The following PCNT variants were observed in gnomAD, a reference collection of about 807,000 sequenced individuals.
PCNT encodes pericentrin.
PCNT carries 319 observed loss-of-function variants against 380.4 expected under a neutral mutation model. That is an observed-to-expected ratio of 0.84 (90% CI 0.77 to 0.92). PCNT has a LOEUF of 0.92. Ranked by LOEUF, PCNT falls within the 40% of genes least tolerant of loss-of-function variation. PCNT has a pLI of 0.00. For synonymous variants in PCNT, 1,845 were observed against 1,735.2 expected (o/e 1.06, Z -1.57); for missense variants, 4,400 against 4,255.3 (o/e 1.03, Z -0.95).
In PCNT at chr21:46,389,329, A is replaced by G; in HGVS notation, c.3738A>G (p.Pro1246=). 1 of 1,614,262 alleles carries G rather than the reference A, an allele frequency of 6.2e-7. No individual in the cohort carries two copies. The highest frequency in any genetic ancestry group is 8.5e-7 in the Non-Finnish European group (1 of 1,180,046). The part of the protein sequence containing the change: ...SHMRESFLMS[P]ESVRECEQPI... ...TGCGTGAAAGCTTTCTCATGAGCCC[A>G]GAAAGTGTGCGGGAGTGTGAGCAGC... The change falls in exon 19 of 47, where the codon CCA becomes CCG. Residue 1246 remains proline (P), a synonymous_variant. Transcript: ENST00000359568.
intron 15 of PCNT, among the ~76,000 whole-genome samples, chr21:46,367,679 G>C (rs186979550): frequency 6.6e-6 from 1 of 152,110 alleles, no homozygotes; most frequent in Non-Finnish European, 1.5e-5. Flanking sequence ...CTTTGCTCTC[G>C]TACGTATGTG....
chr21:46,401,733 G>T lies in PCNT; in HGVS notation c.4962+12G>T. 6.2e-7 allele frequency: 1 copy of T among 1,613,962 alleles called. No individual in the cohort carries two copies. The highest frequency in any genetic ancestry group is 1.1e-5 in the South Asian group (1 of 91,062). ...GGCGCGAGAGCGAGGTGAGTGCAGA[G>T]TGGGGCCATGGGACTGCCAGCCCTG... is the stretch of plus-strand genomic sequence containing the variant. On this transcript the variant is annotated intron_variant, in intron 26 of 46. Transcript: ENST00000359568.
chr21:46,411,790 A>G lies in PCNT; in HGVS notation c.5717A>G (p.Glu1906Gly). ...TTGGCCCGCATCCGCCGCGCCCTGG[A>G]GCAGCAGCCCCTGGCAGCCGGGGCG... ...LALARIRRAL[E>G]QQPLAAGAAP... Residue 1906 changes from glutamate (E) to glycine (G), a missense_variant, in exon 28 of 47, where the codon GAG becomes GGG. Glu to Gly is a moderately conservative substitution (Grantham distance 98). Transcript: ENST00000359568. 1 of 1,600,954 alleles carries G rather than the reference A, an allele frequency of 6.2e-7. No homozygotes were observed. The highest frequency in any genetic ancestry group is 8.5e-7 in the Non-Finnish European group (1 of 1,176,498).
At chr21:46,427,245 T>G (rs1249673758) in intron 33 of PCNT, among the ~76,000 whole-genome samples, 1 of 152,228 alleles carries the variant, frequency 6.6e-6, no homozygotes, top group African/African-American at 2.4e-5. Flanking sequence ...CCCTGGGCAG[T>G]GTGTGTCTTC....
At chr21:46,355,260 C>T (rs781479063) in intron 11 of PCNT, among the ~76,000 whole-genome samples, 192 bp from the exon 12 acceptor site, 30 of 152,200 alleles carry the variant, frequency 2.0e-4, no homozygotes, top group Admixed American at 3.9e-4. Flanking sequence ...GACTGAGAGA[C>T]GGGTGTGGGC....
In PCNT at chr21:46,397,265, C is replaced by T; in HGVS notation, c.4217C>T (p.Ala1406Val). The part of the protein sequence containing the change: ...TATDAEAREA[A>V]LRKEVEDLTK... ...GTGTCTGTCCTGTTTGCATCCTTAG[C>T]TCTCCGGAAGGAAGTGGAGGATCTG... Residue 1406 changes from alanine to valine, a missense_variant and splice_region_variant, in exon 22 of 47, where the codon GCT (alanine) becomes GTT (valine). Transcript: ENST00000359568. 6.2e-7 allele frequency: 1 copy of T among 1,613,508 alleles called. No individual in the cohort carries two copies. The highest frequency in any genetic ancestry group is 8.5e-7 in the Non-Finnish European group (1 of 1,179,464).
intron 12 of PCNT, 94 bp from the exon 13 acceptor site, chr21:46,356,880 G>A (rs1157923022): frequency 2.0e-6 from 2 of 994,548 alleles, no homozygotes; most frequent in Non-Finnish European, 3.2e-6. Flanking sequence ...GCTGTCAGAA[G>A]CATTTATAGG....
chr21:46,427,499 C>T lies in PCNT; in HGVS notation c.7321-123C>T. ...GGTGTCTCTTCCTCTTCTTAAGAGG[C>T]CTCATTTACCCTGAATCACCTCCCG... On this transcript the variant is annotated intron_variant, in intron 33 of 46. Transcript: ENST00000359568. 8 of 1,020,666 alleles carry T rather than the reference C, an allele frequency of 7.8e-6. No individual in the cohort carries two copies. In the South Asian group the frequency reaches 9.2e-5, roughly 12 times the overall value. 63.2% of individuals were successfully genotyped at this position (1,020,666 alleles called of 1,614,324 possible).
intron 13 of PCNT, among the ~76,000 whole-genome samples, 168 bp from the exon 14 acceptor site, chr21:46,363,312 G>T (rs1371910612): frequency 6.6e-6 from 1 of 152,116 alleles, no homozygotes; most frequent in Non-Finnish European, 1.5e-5. Flanking sequence ...TCCACTTTAG[G>T]TTTCTTCCAT....
chr21:46,370,504 TG>T (rs1282702240), intron 15 of PCNT, among the ~76,000 whole-genome samples: 1 of 150,632 alleles, frequency 6.6e-6, no homozygotes, highest in Non-Finnish European at 1.5e-5. Context: ...ATGGAGAGCC[TG>T]GGGGCTGACA....
chr21:46,431,377 A>T, intron 37 of PCNT, 152 bp from the exon 38 acceptor site: 3 of 1,473,388 alleles, frequency 2.0e-6, no homozygotes, highest in Non-Finnish European at 2.7e-6. Flanking sequence ...ATGAACTAAC[A>T]AAAAAATGTT....
chr21:46,364,021 C>T, intron 14 of PCNT, 87 bp downstream of exon 14: 1 of 1,235,126 alleles, frequency 8.1e-7, no homozygotes, highest in East Asian at 2.3e-5. Flanking sequence ...GGAGGAGGCG[C>T]TGTGGGCTCC....
intron 37 of PCNT, chr21:46,431,294 C>T: frequency 1.4e-6 from 2 of 1,395,426 alleles, no homozygotes; most frequent in East Asian, 2.8e-5. Context: ...CTGGGAACAT[C>T]TCTGAACCCA....
At chr21:46,413,842 G>A (rs1484055104) in intron 29 of PCNT, among the ~76,000 whole-genome samples, 1 of 152,196 alleles carries the variant, frequency 6.6e-6, no homozygotes. Flanking sequence ...ATTGTAGCAG[G>A]GTGGAGATTT....
At chr21:46,426,904 C>T (rs972723271) in intron 33 of PCNT, among the ~76,000 whole-genome samples, 1 of 152,310 alleles carries the variant, frequency 6.6e-6, no homozygotes, top group African/African-American at 2.4e-5. Flanking sequence ...TCTCCCTGTG[C>T]CTGGAACGCA....
At position 46,440,219 on chromosome 21, in the gene PCNT, G is replaced by A. The variant is rs769089391; in HGVS notation, c.9393+17G>A. 127 of 1,613,372 alleles carry A rather than the reference G, an allele frequency of 7.9e-5. No homozygotes were observed. The highest frequency in any genetic ancestry group is 3.3e-4 in the Middle Eastern group (2 of 6,082). On this transcript the variant is annotated intron_variant, in intron 42 of 46. Coordinates refer to ENST00000359568, the MANE Select transcript of PCNT (RefSeq NM_006031.6). ...AATGTCAAGGTAGGAACGGTGCCAC[G>A]AGTATAGAACTTTGGTGCTTTTTTA...
intron 13 of PCNT, among the ~76,000 whole-genome samples, chr21:46,359,874 T>A (rs2084642329): frequency 6.6e-6 from 1 of 150,870 alleles, no homozygotes; most frequent in Admixed American, 6.6e-5. Context: ...TTTTTTTTTC[T>A]TTTTTTTTGA....
At chr21:46,414,449 C>A (rs571501092) in intron 29 of PCNT, among the ~76,000 whole-genome samples, 2 of 69,082 alleles carry the variant, frequency 2.9e-5, no homozygotes, top group Non-Finnish European at 5.6e-5. Flanking sequence ...TGGACACAGT[C>A]GCCCACCCTC....
rs2087475519 is a variant in PCNT, at chr21:46,425,912, CA to C, written c.7262del (p.His2421ProfsTer110). On this transcript the variant is annotated frameshift_variant, in exon 33 of 47. Coordinates refer to ENST00000359568, the MANE Select transcript of PCNT (RefSeq NM_006031.6). LOFTEE classifies it high-confidence loss of function. The surrounding 1 kb of genome is among the most constrained non-coding windows in gnomAD (Gnocchi z 4.2). ...EGLAPPSGEP[H>X]PPRKEDEIQD... is the part of the protein sequence containing the mutation. The stretch of plus-strand genomic sequence containing the variant: ...CCTTGCACCCCCAAGCGGCGAGCCA[CA>C]CCCACCCCGGAAGGAAGACGAGATA... 6.2e-7 allele frequency: 1 copy of C among 1,613,962 alleles called. No homozygotes were observed. Among genetic ancestry groups the C allele is most frequent in the Non-Finnish European group, 8.5e-7 (1 of 1,180,044 alleles).
Sources: allele counts gnomAD v4.1 joint callset (sites outside exome capture counted in the v4.1 genomes callset), GRCh38; gene constraint gnomAD v4.1.1; non-coding constraint Gnocchi (gnomAD v3.1); transcripts MANE v1.5; gene names NCBI Gene and HGNC (gene_info 2026-07-23, HGNC 2026-07-21).